ROBO1: variants seen among roughly 807,000 people sequenced by gnomAD.
ROBO1 encodes roundabout homolog 1.
A neutral mutation model predicts 195.9 loss-of-function variants in ROBO1; 149 were observed. That is an observed-to-expected ratio of 0.76 (90% CI 0.67 to 0.87). The LOEUF is 0.87. ROBO1 is among the 40% of genes least tolerant of loss of function. The pLI, the probability that ROBO1 is intolerant of heterozygous loss-of-function variation, is 0.00. For missense variants in ROBO1, 1,933 were observed against 2,068.3 expected (o/e 0.93, Z 1.27); for synonymous variants, 816 against 733.2 (o/e 1.11, Z -1.82).
chr3:79,050,880 T>C (rs967603956), intron 3 of ROBO1, among the ~76,000 whole-genome samples: 1 of 152,060 alleles, frequency 6.6e-6, no homozygotes, highest in African/African-American at 2.4e-5. Context: ...AGACACAACA[T>C]ACCAGAATCT....
At chr3:78,873,286 G>T (rs2107169299) in intron 4 of ROBO1, among the ~76,000 whole-genome samples, 1 of 152,194 alleles carries the variant, frequency 6.6e-6, no homozygotes, top group East Asian at 1.9e-4. Flanking sequence ...GGGATGCATT[G>T]TGCCACTGTA....
intron 2 of ROBO1, among the ~76,000 whole-genome samples, chr3:79,537,507 C>A (rs953722785): frequency 2.0e-5 from 3 of 152,086 alleles, no homozygotes; most frequent in Middle Eastern, 3.2e-3. Context: ...TCTGTCGGGA[C>A]TAATTCCACT....
intron 2 of ROBO1, among the ~76,000 whole-genome samples, chr3:79,556,608 C>G (rs913328673): frequency 6.6e-6 from 1 of 151,932 alleles, no homozygotes; most frequent in African/African-American, 2.4e-5. Flanking sequence ...TAGACATTGA[C>G]AAATTATTTT....
At chr3:79,560,049 A>G (rs1942851363) in intron 2 of ROBO1, among the ~76,000 whole-genome samples, 1 of 152,158 alleles carries the variant, frequency 6.6e-6, no homozygotes, top group Non-Finnish European at 1.5e-5. Context: ...GTCTTCAGCA[A>G]TGGCAAATAG....
rs764959152 is a variant in ROBO1 at position 78,685,769 on chromosome 3, T to C, written c.1319A>G (p.Lys440Arg). Residue 440 changes from lysine to arginine, a missense_variant, in exon 10 of 31, where the codon AAG becomes AGG. Coordinates refer to ENST00000464233, the MANE Select transcript of ROBO1 (RefSeq NM_002941.4). The part of the protein sequence containing the change: ...TLNVAGSIIT[K>R]AYLEVTDVIA... Reference sequence around the variant, plus strand: ...ACCATCTGTAACTTCCAAATATGCCTTTGTGATGATGCTTCCAGCAACATT... The same window carrying C: ...ACCATCTGTAACTTCCAAATATGCCCTTGTGATGATGCTTCCAGCAACATT... 6.2e-7 allele frequency: 1 copy of C among 1,609,820 alleles called. No homozygotes were observed. Among genetic ancestry groups the C allele is most frequent in the East Asian group, 2.2e-5 (1 of 44,772 alleles).
intron 2 of ROBO1, among the ~76,000 whole-genome samples, chr3:79,232,260 A>C (rs116759657): frequency 5.4e-5 from 8 of 147,378 alleles, no homozygotes; most frequent in Admixed American, 1.3e-4. Context: ...AAAAAAAAAA[A>C]ATATATATAT....
chr3:78,823,268 C>G (rs549872303), intron 4 of ROBO1, among the ~76,000 whole-genome samples: 2 of 150,690 alleles, frequency 1.3e-5, no homozygotes, highest in Non-Finnish European at 2.9e-5. Context: ...TTCTGCGATG[C>G]CTTTGTGCCT....
chr3:79,182,071 A>T (rs1459328925), intron 2 of ROBO1, among the ~76,000 whole-genome samples: 4 of 151,914 alleles, frequency 2.6e-5, no homozygotes, highest in Non-Finnish European at 4.4e-5. Context: ...GGATATATTA[A>T]TTTTTTGTTT....
At chr3:79,223,322 T>C (rs1037198587) in intron 2 of ROBO1, among the ~76,000 whole-genome samples, 1 of 152,198 alleles carries the variant, frequency 6.6e-6, no homozygotes, top group Non-Finnish European at 1.5e-5. Flanking sequence ...CCTCTTTTTC[T>C]TCTTCTGCCT....
chr3:78,660,857 T>C, intron 16 of ROBO1, 173 bp downstream of exon 16: 1 of 556,288 alleles, frequency 1.8e-6, no homozygotes, highest in South Asian at 3.0e-5. Context: ...TATTATAGCA[T>C]TTTGCTTTTC....
intron 2 of ROBO1, among the ~76,000 whole-genome samples, chr3:79,260,066 C>A (rs1302336672): frequency 6.6e-6 from 1 of 151,158 alleles, no homozygotes; most frequent in Non-Finnish European, 1.5e-5. Context: ...CAGTAATGTA[C>A]TGAACTTGCT....
chr3:79,547,116 T>C (rs1445331781), intron 2 of ROBO1, among the ~76,000 whole-genome samples: 14 of 119,996 alleles, frequency 1.2e-4, no homozygotes, highest in East Asian at 5.2e-4. Flanking sequence ...ACCCGGGAGG[T>C]GGAGCTTGCA....
chr3:79,332,713 G>A (rs1427264968), intron 2 of ROBO1, among the ~76,000 whole-genome samples: 1 of 152,120 alleles, frequency 6.6e-6, no homozygotes, highest in Non-Finnish European at 1.5e-5. Context: ...CATATTTACT[G>A]CATCACTCAA....
intron 1 of ROBO1, among the ~76,000 whole-genome samples, chr3:79,606,720 G>A (rs941338005): frequency 6.6e-6 from 1 of 151,540 alleles, no homozygotes; most frequent in African/African-American, 2.4e-5. Flanking sequence ...ATATTTGCCA[G>A]ATTTCTCTCT....
At chr3:79,429,018 G>C (rs1056056290) in intron 2 of ROBO1, among the ~76,000 whole-genome samples, 27 of 152,242 alleles carry the variant, frequency 1.8e-4, no homozygotes, top group Non-Finnish European at 4.4e-5. Flanking sequence ...AATATTACGT[G>C]TCTTAATTAT....
chr3:79,693,421 G>C (rs907084546), intron 1 of ROBO1, among the ~76,000 whole-genome samples: 2 of 133,234 alleles, frequency 1.5e-5, no homozygotes, highest in South Asian at 4.6e-4. Context: ...GTGTGTGTGT[G>C]TCCTTGTTTT....
intron 2 of ROBO1, among the ~76,000 whole-genome samples, chr3:79,198,264 A>G (rs915289211): frequency 6.6e-6 from 1 of 152,110 alleles, no homozygotes. Flanking sequence ...ATGGCTAGCT[A>G]GTTTTCCCAG....
chr3:79,633,891 T>C (rs114893978), intron 1 of ROBO1, among the ~76,000 whole-genome samples: 3,300 of 152,230 alleles, frequency 0.022, 59 homozygotes, highest in Non-Finnish European at 0.035. Flanking sequence ...TATAATCTGA[T>C]TGTAGCTGGC....
chr3:79,372,768 T>C (rs1391025306), intron 2 of ROBO1, among the ~76,000 whole-genome samples: 1 of 152,200 alleles, frequency 6.6e-6, no homozygotes, highest in Non-Finnish European at 1.5e-5. Context: ...CATTTTTTTT[T>C]CATTATTTGA....
Sources: gnomAD v4.1 joint callset for allele counts (sites outside exome capture counted in the v4.1 genomes callset) on GRCh38, gnomAD v4.1.1 for gene constraint, MANE v1.5 for transcripts, NCBI Gene and HGNC (gene_info 2026-07-23, HGNC 2026-07-21) for gene names.